Variants in ABLIM3 observed in about 807,000 individuals in gnomAD.
The protein encoded by ABLIM3 is actin-binding LIM protein 3.
In ABLIM3, 61 loss-of-function variants were observed where a neutral mutation model predicts 109.5. That is an observed-to-expected ratio of 0.56 (90% CI 0.45 to 0.69). ABLIM3 has a LOEUF of 0.69. Among genes scored for constraint, ABLIM3 ranks in the 30% least tolerant of loss-of-function variants. ABLIM3 has a pLI of 0.00. For missense variants in ABLIM3, 796 were observed against 889.5 expected (o/e 0.89, Z 1.34); for synonymous variants, 300 against 324.8 (o/e 0.92, Z 0.82).
Position 149,258,279 on chromosome 5 carries a change from T to C in ABLIM3, c.1939-12T>C. ...TCTGTCCCCCCACCCCCGCCTGCCC[T>C]GCCTCCTTCAGCGCCACCTGTCCCA... On this transcript the variant is annotated splice_polypyrimidine_tract_variant and intron_variant, in intron 23 of 23. Transcript: ENST00000309868. The C allele has an allele frequency of 2.8e-6, 4 of 1,454,232 alleles. No homozygotes were observed. Among genetic ancestry groups the C allele is most frequent in the Middle Eastern group, 1.8e-4 (1 of 5,650 alleles). 90.1% of individuals were successfully genotyped at this position (1,454,232 alleles called of 1,614,324 possible).
intron 6 of ABLIM3, among the ~76,000 whole-genome samples, chr5:149,208,502 A>C (rs2127512398): frequency 6.6e-6 from 1 of 151,996 alleles, no homozygotes; most frequent in South Asian, 2.1e-4. Context: ...GCCCTCCCCA[A>C]GTGCTAGCAA....
chr5:149,159,761 G>A (rs1409343614), intron 2 of ABLIM3, among the ~76,000 whole-genome samples: 1 of 152,132 alleles, frequency 6.6e-6, no homozygotes, highest in African/African-American at 2.4e-5. Context: ...AAACCTTTAA[G>A]CGTCGTACAG....
At chr5:149,216,124 GGGGATCTGGGGCTCTACAGT>G (rs1490901078) in intron 7 of ABLIM3, among the ~76,000 whole-genome samples, 2 of 152,166 alleles carry the variant, frequency 1.3e-5, no homozygotes, top group African/African-American at 2.4e-5. Context: ...GGACTGGCCT[GGGGATCTGGGGCTCTACAGT>G]GGGTCCTAAA....
chr5:149,237,354 T>G, intron 10 of ABLIM3, 94 bp from the exon 11 acceptor site: 3 of 1,286,558 alleles, frequency 2.3e-6, no homozygotes, highest in East Asian at 2.3e-5. Context: ...CTGGAGAAGT[T>G]TGTTCCTTCT....
chr5:149,148,934 G>C (rs1753177412), intron 2 of ABLIM3, among the ~76,000 whole-genome samples: 5 of 152,158 alleles, frequency 3.3e-5, no homozygotes, highest in Admixed American at 3.3e-4. Flanking sequence ...AGCATCAAGT[G>C]CACCAAGATC....
intron 6 of ABLIM3, 83 bp from the exon 7 acceptor site, chr5:149,210,643 C>A: frequency 8.6e-7 from 1 of 1,161,730 alleles, no homozygotes; most frequent in Non-Finnish European, 1.3e-6. Context: ...TCAACATAGG[C>A]TGCAGGTCCA....
At position 149,242,827 on chromosome 5, in the gene ABLIM3, C is replaced by T. The variant is rs555550602; in HGVS notation, c.1351+289C>T. 2.2e-4 allele frequency among the ~76,000 whole-genome samples: 33 copies of T among 152,320 alleles called. 1 individual carries two copies. Among genetic ancestry groups the T allele is most frequent in the African/African-American group, 3.1e-4 (13 of 41,576 alleles). ...CATAATTGGTAAAACCTTTGTAAAA[C>T]GCACATGCCCCTGGGAGAGTCACAC... On this transcript the variant is annotated intron_variant, in intron 15 of 23. Coordinates refer to ENST00000309868, the MANE Select transcript of ABLIM3 (RefSeq NM_014945.5).
chr5:149,200,532 A>G lies in ABLIM3; in HGVS notation c.448+104A>G, dbSNP rs536276723. 5 of 1,200,640 alleles carry G rather than the reference A, an allele frequency of 4.2e-6. No homozygotes were observed. In the South Asian group the frequency reaches 6.7e-5, roughly 16 times the overall value. The allele number at this position is 1,200,640 out of a possible 1,614,324, so 74.4% of individuals were successfully genotyped here. A position where few individuals can be genotyped will look rare whatever the true frequency, so the allele number is the denominator to read the frequency against. Reference sequence around the variant, plus strand: ...TCCCACGGGCCTGGAGGGAAGTGGGAGAGGTTCCCAACCTGGAGGCCTCCT... The same window carrying G: ...TCCCACGGGCCTGGAGGGAAGTGGGGGAGGTTCCCAACCTGGAGGCCTCCT... On this transcript the variant is annotated intron_variant, in intron 5 of 23. Coordinates refer to ENST00000309868, the MANE Select transcript of ABLIM3 (RefSeq NM_014945.5).
chr5:149,161,884 C>A (rs893900243), intron 2 of ABLIM3, among the ~76,000 whole-genome samples: 2 of 151,236 alleles, frequency 1.3e-5, no homozygotes, highest in Non-Finnish European at 3.0e-5. Flanking sequence ...TGTGTGTATG[C>A]GTGGGCTGTG....
chr5:149,198,177 C>T lies in ABLIM3; in HGVS notation c.152-42C>T, dbSNP rs768344927. On this transcript the variant is annotated intron_variant, in intron 3 of 23. Transcript: ENST00000309868. This position sits in a 1 kb window ranked among gnomAD's most constrained non-coding sequence, Gnocchi z 4.2. Reference sequence around the variant, plus strand: ...GAGGACCTTCTGCTTACAGACCCTCCCTGGACTCAACCTGCCCTTGTTTTC... The same window carrying T: ...GAGGACCTTCTGCTTACAGACCCTCTCTGGACTCAACCTGCCCTTGTTTTC... The T allele has an allele frequency of 3.7e-5, 59 of 1,581,310 alleles. No homozygotes were observed. Among genetic ancestry groups the T allele is most frequent in the Admixed American group, 5.3e-5 (3 of 56,914 alleles).
At position 149,237,462 on chromosome 5, in the gene ABLIM3, T is replaced by C. The variant is rs1752317310; in HGVS notation, c.903T>C (p.Asn301=). The C allele has an allele frequency of 1.2e-6, 2 of 1,614,078 alleles. No homozygotes were observed. Among genetic ancestry groups the C allele is most frequent in the African/African-American group, 2.7e-5 (2 of 74,930 alleles). The change falls in exon 11 of 24, where the codon AAT becomes AAC. Residue 301 remains asparagine, a synonymous_variant. Transcript: ENST00000309868. ...CTCTTCCCTAGGCTAAAGTGGATAA[T>C]GAGATCCTTAATTACAAAGACCTGG... is the stretch of plus-strand genomic sequence containing the variant. ...PNRVICAKVD[N]EILNYKDLAA... is the part of the protein sequence containing the mutation.
At chr5:149,158,959 A>T (rs1321591408) in intron 2 of ABLIM3, among the ~76,000 whole-genome samples, 4 of 152,212 alleles carry the variant, frequency 2.6e-5, no homozygotes, top group Non-Finnish European at 5.9e-5. Flanking sequence ...CAACTATGGA[A>T]AACTGATACA....
At chr5:149,202,157 T>A (rs1164902544) in intron 5 of ABLIM3, among the ~76,000 whole-genome samples, 1 of 152,224 alleles carries the variant, frequency 6.6e-6, no homozygotes, top group Non-Finnish European at 1.5e-5. Flanking sequence ...ACTGTATGCA[T>A]TTGTGCTACA....
chr5:149,232,720 A>T (rs1445434466), intron 9 of ABLIM3, among the ~76,000 whole-genome samples: 3 of 152,214 alleles, frequency 2.0e-5, no homozygotes, highest in African/African-American at 7.2e-5. Context: ...TGCTCTGCTA[A>T]GGAAGCTATT....
intron 2 of ABLIM3, chr5:149,174,734 G>A (rs1363070159): frequency 6.6e-6 from 1 of 152,182 alleles, no homozygotes; most frequent in Non-Finnish European, 1.5e-5. Context: ...TGGAAAGAGA[G>A]GAGATGAGAA....
At chr5:149,234,643 G>A (rs1178841600) in intron 10 of ABLIM3, among the ~76,000 whole-genome samples, 1 of 152,154 alleles carries the variant, frequency 6.6e-6, no homozygotes, top group East Asian at 1.9e-4. Context: ...TGTCAAAAAA[G>A]ACAAGCTGCT....
chr5:149,184,709 C>T (rs1377205397), intron 3 of ABLIM3, among the ~76,000 whole-genome samples: 1 of 152,200 alleles, frequency 6.6e-6, no homozygotes, highest in Non-Finnish European at 1.5e-5. Context: ...CTTCACACTA[C>T]TGGCTTATAT....
At chr5:149,210,866 C>A (rs754015307) in intron 7 of ABLIM3, 47 bp downstream of exon 7, 7 of 1,558,470 alleles carry the variant, frequency 4.5e-6, no homozygotes, top group Non-Finnish European at 5.3e-6. Context: ...GTGATCTGTG[C>A]CTCCAAAAAG....
At chr5:149,189,884 AAT>A (rs1391848480) in intron 3 of ABLIM3, among the ~76,000 whole-genome samples, 4 of 152,220 alleles carry the variant, frequency 2.6e-5, no homozygotes, top group African/African-American at 9.6e-5. Flanking sequence ...GAGAAATAAA[AAT>A]ATATGTTCAC....
Sources: gnomAD v4.1 joint callset for allele counts (sites outside exome capture counted in the v4.1 genomes callset) on GRCh38, gnomAD v4.1.1 for gene constraint, Gnocchi (gnomAD v3.1) non-coding constraint, MANE v1.5 for transcripts, NCBI Gene and HGNC (gene_info 2026-07-23, HGNC 2026-07-21) for gene names.